Variants in TMCO5A observed in about 807,000 individuals in gnomAD.
TMCO5A encodes the protein transmembrane and coiled-coil domains 5A, also known as transmembrane and coiled-coil domain-containing protein 5A.
Under a neutral mutation model 42.3 loss-of-function variants are expected in TMCO5A, and 34 were observed. The ratio of observed to expected loss-of-function variants is 0.80; its 90% CI spans 0.61 to 1.07. The LOEUF is 1.07. Ranked by LOEUF, TMCO5A falls within the 50% of genes least tolerant of loss-of-function variation. TMCO5A has a pLI of 0.00. For synonymous variants in TMCO5A, 131 were observed against 115.6 expected, an observed-to-expected ratio of 1.13 and a Z score of -0.86; for missense variants, 357 against 327.9, an observed-to-expected ratio of 1.09 and a Z score of -0.69.
the TMCO5A span, among the ~76,000 whole-genome samples, chr15:37,980,289 G>A: frequency 6.6e-6 from 1 of 152,122 alleles, no homozygotes; most frequent in Non-Finnish European, 1.5e-5. Flanking sequence ...TGCCCCCACC[G>A]CCAGAGCTGC....
chr15:37,955,007 G>C (rs1019510891), downstream of TMCO5A, among the ~76,000 whole-genome samples: 1 of 151,648 alleles, frequency 6.6e-6, no homozygotes, highest in African/African-American at 2.4e-5. Context: ...ACCTTTACTA[G>C]AAGGAAGACA....
the TMCO5A span, among the ~76,000 whole-genome samples, chr15:37,983,189 A>G: frequency 6.6e-6 from 1 of 152,144 alleles, no homozygotes; most frequent in African/African-American, 2.4e-5. Context: ...TCCCCCTTAT[A>G]CAAACATGAT....
downstream of TMCO5A, among the ~76,000 whole-genome samples, chr15:37,969,744 T>C (rs1346911437): frequency 6.6e-6 from 1 of 152,198 alleles, no homozygotes; most frequent in African/African-American, 2.4e-5. Flanking sequence ...TCATGTGTTG[T>C]TGATGTTTGC....
At chr15:37,970,116 G>T (rs1314179673), downstream of TMCO5A, among the ~76,000 whole-genome samples, 1 of 152,146 alleles carries the variant, frequency 6.6e-6, no homozygotes, top group Non-Finnish European at 1.5e-5. Context: ...TTCCACTATG[G>T]CTGAGCTAAT....
chr15:37,939,161 T>C (rs1889640186), intron 6 of TMCO5A, among the ~76,000 whole-genome samples: 2 of 152,138 alleles, frequency 1.3e-5, no homozygotes, highest in South Asian at 4.1e-4. Flanking sequence ...CCTTGCCTTA[T>C]CTAACTTCTC....
At chr15:37,989,984 A>G in the TMCO5A span, among the ~76,000 whole-genome samples, 1 of 152,110 alleles carries the variant, frequency 6.6e-6, no homozygotes, top group Non-Finnish European at 1.5e-5. Flanking sequence ...TTCAGACCAC[A>G]GCAGATACTT....
the TMCO5A span, among the ~76,000 whole-genome samples, chr15:37,983,173 C>A: frequency 2.0e-5 from 3 of 152,316 alleles, no homozygotes; most frequent in South Asian, 6.2e-4. Context: ...CCATGACACT[C>A]ACCTTTCCCC....
chr15:37,987,191 A>G, the TMCO5A span, among the ~76,000 whole-genome samples: 2 of 151,912 alleles, frequency 1.3e-5, no homozygotes, highest in Admixed American at 6.6e-5. Flanking sequence ...CTTACTGACC[A>G]TTTGTTTATA....
At chr15:38,003,970 G>C in the TMCO5A span, among the ~76,000 whole-genome samples, 1 of 151,990 alleles carries the variant, frequency 6.6e-6, no homozygotes, top group Non-Finnish European at 1.5e-5. Context: ...TTAAGCAAAA[G>C]GAGTCTCTTT....
intron 10 of TMCO5A, chr15:37,943,664 G>A (rs144128253): frequency 5.0e-5 from 21 of 420,760 alleles, no homozygotes; most frequent in Non-Finnish European, 8.2e-5. Flanking sequence ...ATGGAGGCAA[G>A]AAGCAACCTT....
the TMCO5A span, among the ~76,000 whole-genome samples, chr15:37,981,710 C>T: frequency 6.6e-6 from 1 of 152,186 alleles, no homozygotes; most frequent in Admixed American, 6.5e-5. Context: ...AGCTGCTTTT[C>T]TGTGTTTACA....
the TMCO5A span, among the ~76,000 whole-genome samples, chr15:38,019,848 A>G: frequency 6.6e-6 from 1 of 151,512 alleles, no homozygotes; most frequent in African/African-American, 2.4e-5. Flanking sequence ...CCCTGGCTTC[A>G]AGCAATCCTC....
chr15:37,969,323 G>A (rs1595614036), downstream of TMCO5A, among the ~76,000 whole-genome samples: 1 of 152,114 alleles, frequency 6.6e-6, no homozygotes, highest in Non-Finnish European at 1.5e-5. Context: ...GAGCAACTTA[G>A]TATATCAAGT....
chr15:38,034,309 G>A, the TMCO5A span, among the ~76,000 whole-genome samples: 3 of 152,054 alleles, frequency 2.0e-5, no homozygotes, highest in Admixed American at 6.5e-5. Context: ...ACACATTCAG[G>A]CCACAGCAAC....
intron 11 of TMCO5A, among the ~76,000 whole-genome samples, chr15:37,965,407 T>C (rs532139047): frequency 6.6e-5 from 10 of 152,220 alleles, no homozygotes; most frequent in Admixed American, 3.3e-4. Context: ...AGTGGACAAA[T>C]GGGTTCTCAT....
the TMCO5A span, among the ~76,000 whole-genome samples, chr15:37,986,398 TG>T: frequency 6.6e-6 from 1 of 150,690 alleles, no homozygotes; most frequent in Non-Finnish European, 1.5e-5. Context: ...TGTGTGTGTG[TG>T]TGTGTGTGTG....
the TMCO5A span, among the ~76,000 whole-genome samples, chr15:38,022,600 C>G: frequency 6.6e-6 from 1 of 151,992 alleles, no homozygotes; most frequent in East Asian, 1.9e-4. Context: ...TTGTCCAGAC[C>G]CACAGAATGT....
the TMCO5A span, among the ~76,000 whole-genome samples, chr15:38,009,615 A>T: frequency 6.6e-6 from 1 of 152,228 alleles, no homozygotes; most frequent in Non-Finnish European, 1.5e-5. Context: ...GAAAATAGAT[A>T]TGCCCTTTTC....
the TMCO5A span, among the ~76,000 whole-genome samples, chr15:37,998,195 T>C: frequency 6.6e-6 from 1 of 152,218 alleles, no homozygotes; most frequent in Non-Finnish European, 1.5e-5. Flanking sequence ...GTAGAAGCTT[T>C]TTAACTTGAT....
Sources: allele counts gnomAD v4.1 joint callset (sites outside exome capture counted in the v4.1 genomes callset), GRCh38; gene constraint gnomAD v4.1.1; transcripts MANE v1.5; gene names NCBI Gene and HGNC (gene_info 2026-07-23, HGNC 2026-07-21).